KIF1B: variants seen among roughly 807,000 people sequenced by gnomAD.
KIF1B encodes the protein kinesin family member 1B, also known as kinesin-like protein KIF1B.
Under a neutral mutation model 241.9 loss-of-function variants are expected in KIF1B, and 76 were observed. That is an observed-to-expected ratio of 0.31 (90% CI 0.26 to 0.38). The LOEUF (loss-of-function observed/expected upper bound fraction) is 0.38, where lower values mean the gene tolerates loss of function less well. Ranked by LOEUF, KIF1B falls within the 10% of genes least tolerant of loss-of-function variation. KIF1B has a pLI of 1.00. For synonymous variants in KIF1B, 750 were observed against 796.7 expected, an observed-to-expected ratio of 0.94 and a Z score of 0.99; for missense variants, 1,622 against 2,271.4, an observed-to-expected ratio of 0.71 and a Z score of 5.81.
intron 37 of KIF1B, among the ~76,000 whole-genome samples, chr1:10,351,073 CAAAAAAA>C (rs35072176): frequency 9.6e-6 from 1 of 104,666 alleles, no homozygotes; most frequent in Non-Finnish European, 2.0e-5. Context: ...AAGACCCTGT[CAAAAAAA>C]AAAAAAAAAA....
intron 17 of KIF1B, among the ~76,000 whole-genome samples, chr1:10,293,900 A>T (rs1037178279): frequency 2.0e-5 from 3 of 152,192 alleles, no homozygotes; most frequent in African/African-American, 4.8e-5. Flanking sequence ...GACCACATCC[A>T]AACTCAGTCT....
At chr1:10,344,556 A>G (rs1652520904) in intron 34 of KIF1B, among the ~76,000 whole-genome samples, 1 of 152,088 alleles carries the variant, frequency 6.6e-6, no homozygotes, top group Non-Finnish European at 1.5e-5. Flanking sequence ...AGTATTTTTA[A>G]TTTTGAAGAT....
Position 10,337,329 on chromosome 1 carries a change from G to A in KIF1B, c.3260-42G>A, listed in dbSNP as rs143254952. 4,348 of 1,613,722 alleles carry A rather than the reference G, an allele frequency of 2.7e-3. 4 individuals carry two copies. Among genetic ancestry groups the A allele is most frequent in the Non-Finnish European group, 3.4e-3 (3,957 of 1,179,624 alleles). ...AAGCATGCCCAACTCCCTCCTCTTT[G>A]CATTATTTGAACCATCTGTGTCTTC... On this transcript the variant is annotated intron_variant, in intron 30 of 48. Coordinates refer to ENST00000676179, the MANE Select transcript of KIF1B (RefSeq NM_001365951.3). This position sits in a 1 kb window ranked among gnomAD's most constrained non-coding sequence, Gnocchi z 4.0.
At chr1:10,221,365 T>A (rs773549978) in intron 1 of KIF1B, among the ~76,000 whole-genome samples, 1 of 152,208 alleles carries the variant, frequency 6.6e-6, no homozygotes, top group Non-Finnish European at 1.5e-5. Context: ...CCCAAAGGGC[T>A]GGGATTACAG....
At position 10,296,571 on chromosome 1, in the gene KIF1B, G is replaced by T. The variant is rs775644032; in HGVS notation, c.1778-11G>T. ...GTAATGATAACATTAGTTTGTGTTT[G>T]TTCCTCTTAGTTATCGTGACCTTAG... On this transcript the variant is annotated splice_polypyrimidine_tract_variant and intron_variant, in intron 19 of 48. Coordinates refer to ENST00000676179, the MANE Select transcript of KIF1B (RefSeq NM_001365951.3). 9.3e-6 allele frequency: 15 copies of T among 1,607,698 alleles called. No individual in the cohort carries two copies. In the East Asian group the frequency reaches 2.9e-4, roughly 31 times the overall value.
At position 10,334,948 on chromosome 1, in the gene KIF1B, T is replaced by C. The variant is rs542974608; in HGVS notation, c.3043+310T>C. Among the ~76,000 whole-genome samples the C allele has an allele frequency of 2.2e-3, 338 of 152,100 alleles. 1 individual carries two copies. The highest frequency in any genetic ancestry group is 7.8e-3 in the African/African-American group (322 of 41,524). On this transcript the variant is annotated intron_variant, in intron 28 of 48. Transcript: ENST00000676179. ...TAAAAGTCATTGGTGTGTTGTTTTT[T>C]TTTTTTTTGAGACAGGGTCTCACTT...
intron 31 of KIF1B, among the ~76,000 whole-genome samples, chr1:10,339,187 G>A (rs1414427364): frequency 3.9e-5 from 6 of 152,052 alleles, no homozygotes; most frequent in Non-Finnish European, 8.8e-5. Flanking sequence ...TCTGTGTGTC[G>A]AGACCTGTGG....
At chr1:10,300,632 C>G (rs1204971838) in intron 22 of KIF1B, among the ~76,000 whole-genome samples, 1 of 151,984 alleles carries the variant, frequency 6.6e-6, no homozygotes, top group Non-Finnish European at 1.5e-5. Context: ...AAAAGAAAAA[C>G]AGCCAGAAAA....
At chr1:10,338,773 G>C (rs1274422190) in intron 31 of KIF1B, among the ~76,000 whole-genome samples, 1 of 152,240 alleles carries the variant, frequency 6.6e-6, no homozygotes, top group Non-Finnish European at 1.5e-5. Context: ...GGAAGGTATG[G>C]CTGCAGAGCA....
At chr1:10,298,272 G>A (rs529845859) in intron 22 of KIF1B, among the ~76,000 whole-genome samples, 2 of 152,314 alleles carry the variant, frequency 1.3e-5, no homozygotes, top group Non-Finnish European at 2.9e-5. Context: ...ATAAAATACA[G>A]CATGTAAACT....
intron 33 of KIF1B, 150 bp from the exon 34 acceptor site, chr1:10,343,082 T>C: frequency 1.3e-6 from 1 of 780,816 alleles, no homozygotes; most frequent in South Asian, 1.5e-5. Flanking sequence ...TTGCCTTCTG[T>C]ACTGTCACAG....
intron 2 of KIF1B, among the ~76,000 whole-genome samples, chr1:10,249,913 A>G (rs1380490088): frequency 6.6e-6 from 1 of 152,210 alleles, no homozygotes; most frequent in Non-Finnish European, 1.5e-5. Flanking sequence ...TAAAAGAGAA[A>G]AGAAACAGAA....
chr1:10,249,496 T>G (rs1647322776), intron 2 of KIF1B, among the ~76,000 whole-genome samples: 1 of 152,172 alleles, frequency 6.6e-6, no homozygotes, highest in Admixed American at 6.5e-5. Context: ...GTATAGAGGA[T>G]CCATAAGACA....
chr1:10,217,367 C>T (rs944662046), intron 1 of KIF1B, among the ~76,000 whole-genome samples: 24 of 146,890 alleles, frequency 1.6e-4, no homozygotes, highest in African/African-American at 5.8e-4. Context: ...TTTGAGACAG[C>T]CTTGCTGTGT....
At chr1:10,271,775 G>A (rs1422231282) in intron 8 of KIF1B, among the ~76,000 whole-genome samples, 196 bp downstream of exon 8, 6 of 152,124 alleles carry the variant, frequency 3.9e-5, no homozygotes, top group South Asian at 2.1e-4. Context: ...GTCCTTCTAC[G>A]GAAAAATTTT....
At position 10,271,563 on chromosome 1, in the gene KIF1B, A is replaced by G. The variant is rs868622074; in HGVS notation, c.782A>G (p.Lys261Arg). Residue 261 changes from lysine to arginine, a missense_variant, in exon 8 of 49, where the codon AAA becomes AGA. This residue lies in a region of KIF1B where 201 missense variants were observed against 301.2 expected (regional missense o/e 0.67). Transcript: ENST00000676179. The part of the protein sequence containing the change: ...GSERADSTGA[K>R]GTRLKEGANI... ...GAACGAGCTGATTCAACTGGTGCCA[A>G]AGGGACTCGATTAAAGGTATTTATT... The G allele has an allele frequency of 1.2e-5, 20 of 1,613,068 alleles. No individual in the cohort carries two copies. Among genetic ancestry groups the G allele is most frequent in the African/African-American group, 2.7e-5 (2 of 74,900 alleles).
In KIF1B at chr1:10,227,032, CT is replaced by C. The variant is rs747870005; in HGVS notation, c.-79-5196del. ...TGGTTGATAAATAACGCAAGTCTCTCTTTTTTTTTTTTTTTTTTTTTTGAGA... is the reference window on the plus strand; with the variant it reads ...TGGTTGATAAATAACGCAAGTCTCTCTTTTTTTTTTTTTTTTTTTTTGAGA... On this transcript the variant is annotated intron_variant, in intron 1 of 48. Transcript: ENST00000676179. Among the ~76,000 whole-genome samples, 333 of 112,904 alleles carry C rather than the reference CT, an allele frequency of 2.9e-3. 1 individual carries two copies. The East Asian group carries it at 0.037, about 13-fold the overall frequency. 74.1% of individuals were successfully genotyped at this position (112,904 alleles called of 152,430 possible).
Position 10,377,672 on chromosome 1 carries a change from C to T in KIF1B, c.*1085C>T. On this transcript the variant is annotated 3_prime_UTR_variant, in exon 49 of 49. Transcript: ENST00000676179. ...ATGCCGGGCAGGCCGGGCACAGTGGCTCACGCCTGTAATCCAAGCACTTGG... is the reference window on the plus strand; with the variant it reads ...ATGCCGGGCAGGCCGGGCACAGTGGTTCACGCCTGTAATCCAAGCACTTGG... The T allele has an allele frequency of 5.2e-6, 1 of 193,682 alleles. No individual in the cohort carries two copies. The highest frequency in any genetic ancestry group is 1.1e-5 in the Non-Finnish European group (1 of 93,018). 12.0% of individuals were successfully genotyped at this position (193,682 alleles called of 1,614,324 possible). A position where few individuals can be genotyped will look rare whatever the true frequency, so the allele number is the denominator to read the frequency against.
In KIF1B at chr1:10,258,519, A is replaced by G. The variant is rs931275789; in HGVS notation, c.210A>G (p.Gln70=). 4.3e-6 allele frequency: 7 copies of G among 1,614,164 alleles called. No individual in the cohort carries two copies. The highest frequency in any genetic ancestry group is 5.9e-6 in the Non-Finnish European group (7 of 1,180,016). ...TSPEDPCFAS[Q]NRVYNDIGKE... ...CCGAAGATCCCTGTTTTGCATCTCA[A>G]AACCGTGTGTACAATGACATTGGCA... Residue 70 remains glutamine (Q), a synonymous_variant, in exon 4 of 49, where the codon CAA becomes CAG. Transcript: ENST00000676179.
Sources: gnomAD v4.1 joint callset for allele counts (sites outside exome capture counted in the v4.1 genomes callset) on GRCh38, gnomAD v4.1.1 for gene constraint, gnomAD v4.1.1 regional missense constraint, Gnocchi (gnomAD v3.1) non-coding constraint, MANE v1.5 for transcripts, NCBI Gene and HGNC (gene_info 2026-07-23, HGNC 2026-07-21) for gene names.